Variants in BANP observed in about 807,000 individuals in gnomAD.
BANP encodes the protein BTG3 associated nuclear protein.
Under a neutral mutation model 68.1 loss-of-function variants are expected in BANP, and 11 were observed. The observed-to-expected ratio is 0.16, with a 90% confidence interval of 0.10 to 0.27. The LOEUF (loss-of-function observed/expected upper bound fraction) is 0.27. Ranked by LOEUF, BANP falls within the 10% of genes least tolerant of loss-of-function variation. The probability of loss-of-function intolerance (pLI) is 1.00; values close to 1 mark genes in which losing one functional copy is unlikely to be tolerated. For synonymous variants in BANP, 329 were observed against 303.2 expected, an observed-to-expected ratio of 1.09 and a Z score of -0.88; for missense variants, 504 against 722.7, an observed-to-expected ratio of 0.70 and a Z score of 3.47.
At chr16:88,069,454 G>T (rs533153456) in intron 12 of BANP, among the ~76,000 whole-genome samples, 2 of 152,290 alleles carry the variant, frequency 1.3e-5, no homozygotes, top group East Asian at 3.9e-4. Flanking sequence ...CAGAGTCCCC[G>T]CCTTCTCTCT....
intron 12 of BANP, among the ~76,000 whole-genome samples, chr16:88,069,370 T>C (rs367545473): frequency 5.3e-5 from 8 of 152,352 alleles, no homozygotes; most frequent in African/African-American, 1.7e-4. Flanking sequence ...CATCAAAAAC[T>C]AGAATTCTGC....
At chr16:88,056,451 T>A (rs2085045166) in intron 11 of BANP, among the ~76,000 whole-genome samples, 1 of 134,348 alleles carries the variant, frequency 7.4e-6, no homozygotes, top group Non-Finnish European at 1.7e-5. Flanking sequence ...CTGGGAAGCG[T>A]ATTCTCTCTC....
chr16:88,007,837 A>C (rs1046775522), intron 6 of BANP, among the ~76,000 whole-genome samples: 1 of 151,912 alleles, frequency 6.6e-6, no homozygotes, highest in Non-Finnish European at 1.5e-5. Flanking sequence ...AGAGAGAAAG[A>C]GACGTTGAGT....
intron 12 of BANP, among the ~76,000 whole-genome samples, chr16:88,069,472 C>G (rs73235255): frequency 2.8e-4 from 42 of 152,250 alleles, no homozygotes; most frequent in Admixed American, 1.4e-3. Flanking sequence ...TCTCTGCTCC[C>G]TCTCGAAGAA....
chr16:87,977,680 G>A (rs1232252400), intron 2 of BANP, among the ~76,000 whole-genome samples: 1 of 152,164 alleles, frequency 6.6e-6, no homozygotes, highest in Non-Finnish European at 1.5e-5. Context: ...AATTGTTGAC[G>A]TGTATGTCTT....
chr16:88,045,369 G>A (rs1313032959), intron 11 of BANP, among the ~76,000 whole-genome samples: 1 of 152,220 alleles, frequency 6.6e-6, no homozygotes, highest in Admixed American at 6.5e-5. Flanking sequence ...AGTTGTCCGT[G>A]CGTGCACTTG....
intron 1 of BANP, among the ~76,000 whole-genome samples, chr16:87,954,953 C>G (rs745710896): frequency 3.3e-5 from 5 of 152,256 alleles, no homozygotes; most frequent in Non-Finnish European, 7.3e-5. Flanking sequence ...TGCCAAGCCG[C>G]CGTTCCACAG....
In BANP at chr16:88,074,416, G is replaced by A. The variant is rs370694547; in HGVS notation, c.1522-2174G>A. 8.9e-4 allele frequency among the ~76,000 whole-genome samples: 135 copies of A among 152,268 alleles called. No homozygotes were observed. The South Asian group carries it at 0.027, about 31-fold the overall frequency. On this transcript the variant is annotated intron_variant, in intron 13 of 13. Coordinates refer to ENST00000682872, the MANE Select transcript of BANP (RefSeq NM_001386991.1). ...TGGAGAGTGGGGCCTGTTCCCTGGA[G>A]CAGTGGGTTGGGAGGGTAGGGGGGT...
At position 88,057,130 on chromosome 16, in the gene BANP, C is replaced by T. The variant is rs993915626; in HGVS notation, c.1312-8137C>T. On this transcript the variant is annotated intron_variant, in intron 11 of 13. Coordinates refer to ENST00000682872, the MANE Select transcript of BANP (RefSeq NM_001386991.1). This position sits in a 1 kb window ranked among gnomAD's most constrained non-coding sequence, Gnocchi z 4.6. ...TGGGTGTTCTGAGACTTTTCTGTTG[C>T]CGTTGTTGAGCTGTGTCTGCCTTTT... is the stretch of plus-strand genomic sequence containing the variant. Among the ~76,000 whole-genome samples, 1 of 152,086 alleles carries T rather than the reference C, an allele frequency of 6.6e-6. No homozygotes were observed. The highest frequency in any genetic ancestry group is 2.4e-5 in the African/African-American group (1 of 41,402).
In BANP at chr16:88,072,072, C is replaced by T. The variant is rs1394685574; in HGVS notation, c.1381C>T (p.Leu461=). The part of the protein sequence containing the change: ...SVFKASSGQV[L]QGAQLIAVAS... ...GCCCCCGTGTGTCTCCCTCCAGGTG[C>T]TGCAGGGTGCACAGCTGATCGCCGT... is the stretch of plus-strand genomic sequence containing the variant. The change falls in exon 13 of 14, where the codon CTG becomes TTG. Residue 461 remains leucine, a synonymous_variant. Transcript: ENST00000682872. 1 of 1,574,924 alleles carries T rather than the reference C, an allele frequency of 6.3e-7. No individual in the cohort carries two copies. Among genetic ancestry groups the T allele is most frequent in the Non-Finnish European group, 8.6e-7 (1 of 1,162,260 alleles).
At chr16:88,074,005 G>A (rs1278489245) in intron 13 of BANP, among the ~76,000 whole-genome samples, 2 of 152,242 alleles carry the variant, frequency 1.3e-5, no homozygotes, top group African/African-American at 2.4e-5. Context: ...TTGGTGGTGA[G>A]CGGGTTTGCC....
intron 1 of BANP, among the ~76,000 whole-genome samples, chr16:87,974,445 C>T (rs949802857): frequency 2.0e-5 from 3 of 152,126 alleles, no homozygotes; most frequent in African/African-American, 7.2e-5. Flanking sequence ...GGATGCTGCT[C>T]GGGCTCAGGA....
intron 2 of BANP, among the ~76,000 whole-genome samples, chr16:87,977,287 C>T (rs557723131): frequency 5.3e-5 from 8 of 152,222 alleles, no homozygotes; most frequent in African/African-American, 1.4e-4. Context: ...GGCGTGGTGG[C>T]GGGCGCCTGT....
At chr16:88,020,266 A>G (rs1262780353) in intron 7 of BANP, among the ~76,000 whole-genome samples, 2 of 152,212 alleles carry the variant, frequency 1.3e-5, no homozygotes, top group African/African-American at 2.4e-5. Flanking sequence ...GAGTCAGCGC[A>G]TGGTCGTGGA....
intron 4 of BANP, among the ~76,000 whole-genome samples, chr16:87,990,999 T>G (rs1037554171): frequency 6.6e-6 from 1 of 152,196 alleles, no homozygotes; most frequent in African/African-American, 2.4e-5. Flanking sequence ...CCTGACCTCA[T>G]GATCTGCCTG....
chr16:87,981,978 A>AT, intron 3 of BANP, among the ~76,000 whole-genome samples: 1 of 152,216 alleles, frequency 6.6e-6, no homozygotes. Context: ...TTTTCATATA[A>AT]TTCTTCTACT....
At chr16:87,969,534 C>CTTT (rs71156276) in intron 1 of BANP, among the ~76,000 whole-genome samples, 40 of 138,990 alleles carry the variant, frequency 2.9e-4, no homozygotes, top group African/African-American at 7.8e-4. Flanking sequence ...TCGAGATTGA[C>CTTT]TTTTTTTTTT....
chr16:88,067,501 C>T (rs1207697936), intron 12 of BANP, among the ~76,000 whole-genome samples: 1 of 152,270 alleles, frequency 6.6e-6, no homozygotes, highest in Middle Eastern at 3.4e-3. Flanking sequence ...TAGGCCGGCC[C>T]CACCTCACCT....
chr16:87,992,619 C>T (rs1367268829), intron 4 of BANP, among the ~76,000 whole-genome samples: 1 of 152,010 alleles, frequency 6.6e-6, no homozygotes, highest in Non-Finnish European at 1.5e-5. Context: ...CGAGGCGAAA[C>T]CCCGTCTCTA....
Sources: allele counts gnomAD v4.1 joint callset (sites outside exome capture counted in the v4.1 genomes callset), GRCh38; gene constraint gnomAD v4.1.1; non-coding constraint Gnocchi (gnomAD v3.1); transcripts MANE v1.5; gene names NCBI Gene and HGNC (gene_info 2026-07-23, HGNC 2026-07-21).